Variants in SMG6 observed in about 807,000 individuals in gnomAD.
SMG6 encodes the protein telomerase-binding protein EST1A.
A neutral mutation model predicts 142.2 loss-of-function variants in SMG6; 66 were observed. The ratio of observed to expected loss-of-function variants is 0.46; its 90% CI spans 0.38 to 0.57. The LOEUF (loss-of-function observed/expected upper bound fraction) is 0.57. Among genes scored for constraint, SMG6 ranks in the 20% least tolerant of loss-of-function variants. The pLI is 0.00. For synonymous variants in SMG6, 779 were observed against 702.4 expected (o/e 1.11, Z -1.72); for missense variants, 1,793 against 1,832.0 (o/e 0.98, Z 0.39).
At position 2,068,232 on chromosome 17, in the gene SMG6, T is replaced by G. The variant is rs1453715710; in HGVS notation, c.3835+546A>C. On this transcript the variant is annotated intron_variant, in intron 16 of 18. Transcript: ENST00000263073. This position sits in a 1 kb window ranked among gnomAD's most constrained non-coding sequence, Gnocchi z 6.7. ...GCCCAGACAGTGGTAAGGGCCCAAGTGGTAGGAATCCACAGGCATGAGCCA... is the reference window on the plus strand; with the variant it reads ...GCCCAGACAGTGGTAAGGGCCCAAGGGGTAGGAATCCACAGGCATGAGCCA... Among the ~76,000 whole-genome samples, 1 of 152,086 alleles carries G rather than the reference T, an allele frequency of 6.6e-6. No homozygotes were observed. Among genetic ancestry groups the G allele is most frequent in the Non-Finnish European group, 1.5e-5 (1 of 67,996 alleles).
chr17:2,194,834 G>A (rs2072274802), intron 10 of SMG6, among the ~76,000 whole-genome samples: 1 of 152,118 alleles, frequency 6.6e-6, no homozygotes, highest in Admixed American at 6.5e-5. Flanking sequence ...AGGTTCCAGA[G>A]GATCCTGAAA....
chr17:2,182,361 G>C (rs375225923), intron 12 of SMG6, among the ~76,000 whole-genome samples: 16 of 152,270 alleles, frequency 1.1e-4, no homozygotes, highest in African/African-American at 3.6e-4. Context: ...CTTCAGCCTG[G>C]AGTGCATTTT....
chr17:2,156,854 T>C (rs1378003209), intron 13 of SMG6, among the ~76,000 whole-genome samples: 1 of 152,194 alleles, frequency 6.6e-6, no homozygotes, highest in African/African-American at 2.4e-5. Context: ...GGTCTCACTA[T>C]GTTGCCCAGA....
intron 6 of SMG6, among the ~76,000 whole-genome samples, chr17:2,289,252 A>T (rs1046404602): frequency 1.3e-5 from 2 of 151,928 alleles, no homozygotes; most frequent in African/African-American, 2.4e-5. Context: ...CCTGCCTCAA[A>T]AAAAGAAAAA....
At chr17:2,120,747 A>G (rs994261875) in intron 13 of SMG6, among the ~76,000 whole-genome samples, 2 of 152,198 alleles carry the variant, frequency 1.3e-5, no homozygotes, top group Non-Finnish European at 2.9e-5. Flanking sequence ...ATACAACTTC[A>G]TTAGTCATCA....
At chr17:2,090,340 T>C (rs973739562) in intron 13 of SMG6, among the ~76,000 whole-genome samples, 1 of 152,002 alleles carries the variant, frequency 6.6e-6, no homozygotes, top group South Asian at 2.1e-4. Context: ...TGCTGCTTTA[T>C]GAAGGTAGGG....
At chr17:2,077,797 G>A (rs1291458056) in intron 15 of SMG6, among the ~76,000 whole-genome samples, 1 of 152,158 alleles carries the variant, frequency 6.6e-6, no homozygotes, top group African/African-American at 2.4e-5. Context: ...CTCCTGAGTA[G>A]TTGGAACCAT....
intron 10 of SMG6, among the ~76,000 whole-genome samples, chr17:2,208,486 C>T (rs2072755082): frequency 6.6e-6 from 1 of 152,192 alleles, no homozygotes; most frequent in African/African-American, 2.4e-5. Context: ...AGCGCAGACC[C>T]CACCAAATCT....
chr17:2,292,455 T>C lies in SMG6; in HGVS notation c.2337+97A>G, dbSNP rs1265894358. On this transcript the variant is annotated intron_variant, in intron 6 of 18. Coordinates refer to ENST00000263073, the MANE Select transcript of SMG6 (RefSeq NM_017575.5). ...GGGGATATTCTTTGGGCTACAGTGA[T>C]GAGATGAAATGAAGCTCCAGGAACT... The C allele has an allele frequency of 5.1e-6, 6 of 1,173,198 alleles. No homozygotes were observed. The East Asian group carries it at 1.2e-4, about 23-fold the overall frequency. 72.7% of individuals were successfully genotyped at this position (1,173,198 alleles called of 1,614,324 possible). A position where few individuals can be genotyped will look rare whatever the true frequency, so the allele number is the denominator to read the frequency against.
At chr17:2,248,448 G>C (rs554441989) in intron 8 of SMG6, among the ~76,000 whole-genome samples, 1 of 152,218 alleles carries the variant, frequency 6.6e-6, no homozygotes, top group South Asian at 2.1e-4. Flanking sequence ...AGCCCCAAGA[G>C]GTTTGGAACA....
intron 13 of SMG6, among the ~76,000 whole-genome samples, chr17:2,162,204 T>C (rs1373032934): frequency 6.6e-6 from 1 of 152,176 alleles, no homozygotes; most frequent in Non-Finnish European, 1.5e-5. Context: ...TAAAGTTTGA[T>C]TCTATTTCTG....
At chr17:2,134,000 C>T (rs1008375429) in intron 13 of SMG6, among the ~76,000 whole-genome samples, 1 of 152,122 alleles carries the variant, frequency 6.6e-6, no homozygotes, top group Non-Finnish European at 1.5e-5. Context: ...TAGCCCTGGA[C>T]TGCCTATGTC....
At chr17:2,280,522 TA>T in intron 8 of SMG6, 1 of 871,018 alleles carries the variant, frequency 1.1e-6, no homozygotes, top group Non-Finnish European at 1.4e-6. Flanking sequence ...CTCGGCCTCC[TA>T]AAGTGCTGGG....
intron 9 of SMG6, among the ~76,000 whole-genome samples, chr17:2,243,476 T>C (rs1472519042): frequency 2.0e-5 from 3 of 151,390 alleles, no homozygotes; most frequent in Admixed American, 1.3e-4. Flanking sequence ...AGGTCAGGAG[T>C]TCAAGACCAG....
intron 10 of SMG6, among the ~76,000 whole-genome samples, chr17:2,205,211 G>C (rs1268075197): frequency 6.6e-6 from 1 of 151,994 alleles, no homozygotes; most frequent in Non-Finnish European, 1.5e-5. Context: ...TGGGATTACA[G>C]GTGCTCACCA....
At chr17:2,102,240 A>G (rs2069028379) in intron 13 of SMG6, among the ~76,000 whole-genome samples, 2 of 152,258 alleles carry the variant, frequency 1.3e-5, no homozygotes, top group African/African-American at 4.8e-5. Flanking sequence ...ACAAGGGTAC[A>G]AAGTGATATA....
At chr17:2,065,796 C>T in intron 16 of SMG6, 117 bp from the exon 17 acceptor site, 1 of 847,706 alleles carries the variant, frequency 1.2e-6, no homozygotes, top group Non-Finnish European at 1.8e-6. Flanking sequence ...CCTTCCCCCA[C>T]AGGAGTCTTC....
intron 12 of SMG6, among the ~76,000 whole-genome samples, chr17:2,183,925 C>A (rs924328639): frequency 3.9e-5 from 6 of 152,082 alleles, no homozygotes; most frequent in African/African-American, 1.2e-4. Context: ...ACACAGAAAC[C>A]CCCTCTAACA....
chr17:2,105,831 G>GT (rs2069141872), intron 13 of SMG6, among the ~76,000 whole-genome samples: 1 of 152,218 alleles, frequency 6.6e-6, no homozygotes, highest in African/African-American at 2.4e-5. Flanking sequence ...TAGGAAACTA[G>GT]TAACTGCCAG....
Sources: allele counts gnomAD v4.1 joint callset (sites outside exome capture counted in the v4.1 genomes callset), GRCh38; gene constraint gnomAD v4.1.1; non-coding constraint Gnocchi (gnomAD v3.1); transcripts MANE v1.5; gene names NCBI Gene and HGNC (gene_info 2026-07-23, HGNC 2026-07-21).